The following STXBP5 variants were observed in gnomAD, a reference collection of about 807,000 sequenced individuals.
The protein encoded by STXBP5 is syntaxin binding protein 5.
A neutral mutation model predicts 152.4 loss-of-function variants in STXBP5; 50 were observed. The observed-to-expected ratio is 0.33, with a 90% CI of 0.26 to 0.42. The LOEUF (loss-of-function observed/expected upper bound fraction) is 0.42, where lower values mean the gene tolerates loss of function less well. Among genes scored for constraint, STXBP5 ranks in the 10% least tolerant of loss-of-function variants. The probability of loss-of-function intolerance (pLI) is 1.00; values close to 1 mark genes in which losing one functional copy is unlikely to be tolerated. For missense variants in STXBP5, 1,167 were observed against 1,388.6 expected, an observed-to-expected ratio of 0.84 and a Z score of 2.54; for synonymous variants, 492 against 494.7, an observed-to-expected ratio of 0.99 and a Z score of 0.07.
intron 6 of STXBP5, among the ~76,000 whole-genome samples, chr6:147,263,568 A>G (rs1468142038): frequency 6.6e-6 from 1 of 151,672 alleles, no homozygotes; most frequent in African/African-American, 2.4e-5. Context: ...AAATAAAATC[A>G]GTTTTTCTTG....
intron 9 of STXBP5, 29 bp downstream of exon 9, chr6:147,291,201 A>G: frequency 6.3e-7 from 1 of 1,579,540 alleles, no homozygotes. Flanking sequence ...GCCAATGTTC[A>G]TTGTATATAA....
At chr6:147,237,563 A>G (rs1290335737) in intron 3 of STXBP5, among the ~76,000 whole-genome samples, 2 of 152,186 alleles carry the variant, frequency 1.3e-5, no homozygotes, top group Non-Finnish European at 2.9e-5. Context: ...TTGACACCCT[A>G]AATCCTTTGA....
At chr6:147,248,048 G>A (rs182929986) in intron 4 of STXBP5, among the ~76,000 whole-genome samples, 1 of 152,274 alleles carries the variant, frequency 6.6e-6, no homozygotes, top group East Asian at 1.9e-4. Flanking sequence ...GGGAGGCCAA[G>A]GTGGGCAGAT....
chr6:147,361,266 C>G (rs1267441494), intron 23 of STXBP5, among the ~76,000 whole-genome samples: 1 of 151,946 alleles, frequency 6.6e-6, no homozygotes. Flanking sequence ...AAAAATGTTT[C>G]CAATAAATGA....
chr6:147,273,195 T>TAAAAAAAAAAAAAAAAAAAAAA (rs61153710), intron 7 of STXBP5, among the ~76,000 whole-genome samples: 3 of 129,296 alleles, frequency 2.3e-5, no homozygotes, highest in Admixed American at 1.6e-4. Flanking sequence ...TCTAAAAAAG[T>TAAAAAAAAAAAAAAAAAAAAAA]AAAAAAAAAA....
At chr6:147,251,163 C>T (rs1779071187) in intron 4 of STXBP5, among the ~76,000 whole-genome samples, 1 of 152,032 alleles carries the variant, frequency 6.6e-6, no homozygotes, top group Non-Finnish European at 1.5e-5. Context: ...TGTGGCGTTG[C>T]CTCACCCGGA....
chr6:147,334,120 T>C, intron 18 of STXBP5, 37 bp from the exon 19 acceptor site: 1 of 1,598,734 alleles, frequency 6.3e-7, no homozygotes, highest in Non-Finnish European at 8.5e-7. Context: ...CTTACATAAA[T>C]GTATGGGTTG....
chr6:147,346,111 G>A (rs1784315307), intron 21 of STXBP5, among the ~76,000 whole-genome samples: 1 of 152,170 alleles, frequency 6.6e-6, no homozygotes. Context: ...CAGATTGCAT[G>A]CTTTCAGTTT....
At chr6:147,318,505 T>C (rs1214955495) in intron 16 of STXBP5, among the ~76,000 whole-genome samples, 1 of 152,234 alleles carries the variant, frequency 6.6e-6, no homozygotes. Context: ...TTTTCTTTAT[T>C]GTTCATGGAC....
chr6:147,204,723 AT>A lies in STXBP5; in HGVS notation c.150+43del. 1 of 1,521,236 alleles carries A rather than the reference AT, an allele frequency of 6.6e-7. No homozygotes were observed. Among genetic ancestry groups the A allele is most frequent in the Non-Finnish European group, 8.8e-7 (1 of 1,131,908 alleles). The allele number at this position is 1,521,236 out of a possible 1,614,324, so 94.2% of individuals were successfully genotyped here. On this transcript the variant is annotated intron_variant, in intron 1 of 27. Transcript: ENST00000321680. This position sits in a 1 kb window ranked among gnomAD's most constrained non-coding sequence, Gnocchi z 4.3. ...AGCCCCGCGACACCGTCATTGAAAAATTGGGGTTGTTTTAAGGGGGCTACTC... is the reference window on the plus strand; with the variant it reads ...AGCCCCGCGACACCGTCATTGAAAAATGGGGTTGTTTTAAGGGGGCTACTC...
chr6:147,340,719 G>T (rs767614911), intron 21 of STXBP5, among the ~76,000 whole-genome samples: 1 of 151,954 alleles, frequency 6.6e-6, no homozygotes, highest in South Asian at 2.1e-4. Context: ...CTTATATTTT[G>T]TGCTGGGGTT....
At chr6:147,290,729 T>C (rs1219912882) in intron 8 of STXBP5, among the ~76,000 whole-genome samples, 2 of 152,330 alleles carry the variant, frequency 1.3e-5, no homozygotes, top group South Asian at 2.1e-4. Context: ...AAATGTGATG[T>C]AGATTTATTT....
At chr6:147,358,104 G>A (rs571741632) in intron 22 of STXBP5, among the ~76,000 whole-genome samples, 62 of 152,142 alleles carry the variant, frequency 4.1e-4, no homozygotes, top group African/African-American at 1.5e-3. Context: ...TGTACATTTT[G>A]GTGAAAATGC....
Position 147,382,902 on chromosome 6 carries a change from G to A in STXBP5, c.3318G>A (p.Leu1106=). The A allele has an allele frequency of 1.9e-6, 3 of 1,613,486 alleles. No homozygotes were observed. The highest frequency in any genetic ancestry group is 2.5e-6 in the Non-Finnish European group (3 of 1,179,678). ...TTGGTGAATTAGCACGAGCCAGGCT[G>A]GCACTAGATGAAAGAGGGCAGAAAC... ...GVVGELARAR[L]ALDERGQKLG... is the part of the protein sequence containing the mutation. Residue 1106 remains leucine (L), a synonymous_variant, in exon 27 of 28, where the codon CTG becomes CTA. Coordinates refer to ENST00000321680, the MANE Select transcript of STXBP5 (RefSeq NM_001127715.4).
chr6:147,353,975 A>G (rs896021066), intron 22 of STXBP5, among the ~76,000 whole-genome samples: 10 of 151,946 alleles, frequency 6.6e-5, no homozygotes, highest in African/African-American at 2.4e-4. Context: ...ATGACATTTC[A>G]AAAAAGATAA....
intron 21 of STXBP5, among the ~76,000 whole-genome samples, chr6:147,350,140 T>G (rs1177927202): frequency 6.6e-6 from 1 of 152,150 alleles, no homozygotes; most frequent in Non-Finnish European, 1.5e-5. Context: ...GATTTTAACC[T>G]CTCAATAAAA....
intron 18 of STXBP5, among the ~76,000 whole-genome samples, 166 bp downstream of exon 18, chr6:147,327,442 A>C (rs1028406909): frequency 6.6e-6 from 1 of 152,086 alleles, no homozygotes; most frequent in Admixed American, 6.6e-5. Flanking sequence ...TTTGTTTTCT[A>C]TAGTTGTGGT....
intron 8 of STXBP5, among the ~76,000 whole-genome samples, chr6:147,283,356 T>C (rs1281958274): frequency 6.6e-6 from 1 of 152,172 alleles, no homozygotes; most frequent in Non-Finnish European, 1.5e-5. Flanking sequence ...ATTCAGTAAA[T>C]AATAAAATTA....
At chr6:147,346,892 T>TA (rs1461602323) in intron 21 of STXBP5, among the ~76,000 whole-genome samples, 3 of 152,184 alleles carry the variant, frequency 2.0e-5, no homozygotes, top group Admixed American at 2.0e-4. Context: ...CTGTCATCCT[T>TA]GAGAAAATGG....
Sources: allele counts gnomAD v4.1 joint callset (sites outside exome capture counted in the v4.1 genomes callset), GRCh38; gene constraint gnomAD v4.1.1; non-coding constraint Gnocchi (gnomAD v3.1); transcripts MANE v1.5; gene names NCBI Gene and HGNC (gene_info 2026-07-23, HGNC 2026-07-21).